The following DIAPH1 variants were observed in gnomAD, a reference collection of about 807,000 sequenced individuals.
DIAPH1 encodes the protein diaphanous related formin 1.
Under a neutral mutation model 140.7 loss-of-function variants are expected in DIAPH1, and 46 were observed. The observed-to-expected ratio is 0.33, with a 90% CI of 0.26 to 0.42. The LOEUF (loss-of-function observed/expected upper bound fraction) is 0.42, where lower values mean the gene tolerates loss of function less well. Ranked by LOEUF, DIAPH1 falls within the 10% of genes least tolerant of loss-of-function variation. The pLI is 1.00. For synonymous variants in DIAPH1, 565 were observed against 551.6 expected (o/e 1.02, Z -0.34); for missense variants, 1,310 against 1,558.7 (o/e 0.84, Z 2.69).
chr5:141,543,342 C>G (rs991889080), intron 18 of DIAPH1, among the ~76,000 whole-genome samples: 2 of 152,116 alleles, frequency 1.3e-5, no homozygotes, highest in Non-Finnish European at 2.9e-5. Flanking sequence ...AGTAAATTAG[C>G]AGATGCCAAG....
chr5:141,603,301 T>C (rs1048154368), intron 1 of DIAPH1, among the ~76,000 whole-genome samples: 1 of 152,216 alleles, frequency 6.6e-6, no homozygotes. Context: ...TGTATACATA[T>C]ATCAAAACAT....
intron 7 of DIAPH1, 151 bp from the exon 8 acceptor site, chr5:141,581,034 G>A (rs924948762): frequency 1.2e-6 from 1 of 865,578 alleles, no homozygotes; most frequent in African/African-American, 1.7e-5. Context: ...AACCTCATCT[G>A]GAAATATACT....
At chr5:141,590,274 C>G (rs1038071975) in intron 1 of DIAPH1, among the ~76,000 whole-genome samples, 5 of 152,158 alleles carry the variant, frequency 3.3e-5, no homozygotes, top group Admixed American at 6.5e-5. Flanking sequence ...AACAAGCAAA[C>G]AAACTTTGAC....
chr5:141,518,255 C>T (rs1184649470), intron 27 of DIAPH1, among the ~76,000 whole-genome samples: 1 of 151,282 alleles, frequency 6.6e-6, no homozygotes, highest in African/African-American at 2.4e-5. Flanking sequence ...TTCTAAAACC[C>T]CTGAATTATA....
intron 18 of DIAPH1, among the ~76,000 whole-genome samples, chr5:141,539,054 C>G (rs1289603533): frequency 6.6e-6 from 1 of 151,730 alleles, no homozygotes. Flanking sequence ...GCAGGCAGAT[C>G]ACTTGAGGCC....
chr5:141,539,522 G>A (rs1381840482), intron 18 of DIAPH1, among the ~76,000 whole-genome samples: 4 of 149,068 alleles, frequency 2.7e-5, no homozygotes, highest in Admixed American at 6.7e-5. Flanking sequence ...CGCCCACCTC[G>A]GCCTCCCAAA....
Position 141,516,594 on chromosome 5 carries a change from A to G in DIAPH1, c.*257T>C, listed in dbSNP as rs1461642466. 3.7e-6 allele frequency: 2 copies of G among 542,790 alleles called. No homozygotes were observed. The highest frequency in any genetic ancestry group is 3.8e-5 in the African/African-American group (2 of 52,590). The allele number at this position is 542,790 out of a possible 1,614,324, so 33.6% of individuals were successfully genotyped here. ...GACAGGGTTAAGGCAGCAAACATGG[A>G]CCCTGCTTTGGTAATACAACAGCCA... On this transcript the variant is annotated 3_prime_UTR_variant, in exon 28 of 28. Coordinates refer to ENST00000389054, the MANE Select transcript of DIAPH1 (RefSeq NM_005219.5).
intron 1 of DIAPH1, among the ~76,000 whole-genome samples, chr5:141,604,911 T>C (rs1254643044): frequency 6.6e-6 from 1 of 152,170 alleles, no homozygotes; most frequent in African/African-American, 2.4e-5. Flanking sequence ...GAAGATGAAA[T>C]CTTATTATTT....
chr5:141,598,408 A>T (rs938459701), intron 1 of DIAPH1, among the ~76,000 whole-genome samples: 6 of 152,232 alleles, frequency 3.9e-5, no homozygotes, highest in Non-Finnish European at 5.9e-5. Context: ...CTTCTCCAAA[A>T]GATTCTCAGT....
chr5:141,569,146 G>C (rs1241983842), intron 18 of DIAPH1, among the ~76,000 whole-genome samples: 2 of 152,024 alleles, frequency 1.3e-5, no homozygotes, highest in Admixed American at 6.6e-5. Context: ...CTTTTGTCTG[G>C]ATCTAAGCTT....
intron 23 of DIAPH1, 151 bp downstream of exon 23, chr5:141,528,302 C>G: frequency 9.4e-7 from 1 of 1,067,122 alleles, no homozygotes; most frequent in Non-Finnish European, 1.4e-6. Flanking sequence ...GCCATACGCT[C>G]TGCCCTTGTG....
At chr5:141,598,526 A>G in intron 1 of DIAPH1, among the ~76,000 whole-genome samples, 1 of 152,178 alleles carries the variant, frequency 6.6e-6, no homozygotes, top group Non-Finnish European at 1.5e-5. Flanking sequence ...CTGCACTAAG[A>G]CCATCCATCA....
intron 26 of DIAPH1, 76 bp downstream of exon 26, chr5:141,525,962 T>A: frequency 6.2e-7 from 1 of 1,606,388 alleles, no homozygotes; most frequent in East Asian, 2.2e-5. Context: ...GACATGAGAC[T>A]CTGCCTCTAG....
intron 18 of DIAPH1, among the ~76,000 whole-genome samples, chr5:141,546,601 A>G (rs771079393): frequency 6.6e-6 from 1 of 150,838 alleles, no homozygotes. Context: ...AGTTGCTGTG[A>G]GCTGAGATCG....
At chr5:141,547,198 A>G (rs552648606) in intron 18 of DIAPH1, among the ~76,000 whole-genome samples, 32 of 152,368 alleles carry the variant, frequency 2.1e-4, no homozygotes, top group African/African-American at 7.7e-4. Context: ...ATGAACATTC[A>G]GCCAGGCGCG....
chr5:141,613,816 T>C (rs2099902223), intron 1 of DIAPH1, among the ~76,000 whole-genome samples: 1 of 152,238 alleles, frequency 6.6e-6, no homozygotes, highest in South Asian at 2.1e-4. Context: ...TTCATAGTAA[T>C]TATTCTTTAC....
At chr5:141,576,666 G>T in intron 13 of DIAPH1, 90 bp downstream of exon 13, 2 of 923,494 alleles carry the variant, frequency 2.2e-6, no homozygotes, top group South Asian at 1.3e-5. Context: ...GGACTGGAAA[G>T]GTATCTTCTC....
Position 141,614,496 on chromosome 5 carries a change from C to T in DIAPH1, c.117+4302G>A, listed in dbSNP as rs910171537. The stretch of plus-strand genomic sequence containing the variant: ...ATCAACAAAATTAAATCATGTCTCA[C>T]TATTTTCTTAGCTTTCATAATAAAC... On this transcript the variant is annotated intron_variant, in intron 1 of 27. Coordinates refer to ENST00000389054, the MANE Select transcript of DIAPH1 (RefSeq NM_005219.5). Among the ~76,000 whole-genome samples, 11 of 152,244 alleles carry T rather than the reference C, an allele frequency of 7.2e-5. No individual in the cohort carries two copies. The East Asian group carries it at 2.1e-3, about 29-fold the overall frequency.
intron 18 of DIAPH1, among the ~76,000 whole-genome samples, chr5:141,570,890 A>T (rs1360577047): frequency 6.6e-6 from 1 of 152,182 alleles, no homozygotes; most frequent in African/African-American, 2.4e-5. Flanking sequence ...GGCAAAGTAG[A>T]TCAGCTCTTG....
Sources: gnomAD v4.1 joint callset for allele counts (sites outside exome capture counted in the v4.1 genomes callset) on GRCh38, gnomAD v4.1.1 for gene constraint, MANE v1.5 for transcripts, NCBI Gene and HGNC (gene_info 2026-07-23, HGNC 2026-07-21) for gene names.